USP26: variants seen among roughly 807,000 people sequenced by gnomAD.
USP26 encodes ubiquitin carboxyl-terminal hydrolase 26.
For missense variants in USP26, 649 were observed against 642.3 expected, an observed-to-expected ratio of 1.01 and a Z score of -0.11; for synonymous variants, 236 against 240.6, an observed-to-expected ratio of 0.98 and a Z score of 0.18.
chrX:133,030,880 A>C (rs1406311343), intron 5 of USP26, among the ~76,000 whole-genome samples: 1 of 112,090 alleles, frequency 8.9e-6, no homozygotes, highest in Non-Finnish European at 1.9e-5. Context: ...AAAAGTTTAG[A>C]GGGAGCTATG....
chrX:133,045,016 C>A (rs1434735711), intron 5 of USP26, among the ~76,000 whole-genome samples: 1 of 111,355 alleles, frequency 9.0e-6, no homozygotes, highest in African/African-American at 3.3e-5. Context: ...ATTGTGAATA[C>A]ACCAATCAGC....
intron 4 of USP26, among the ~76,000 whole-genome samples, chrX:133,086,549 G>A (rs779640323): frequency 9.0e-6 from 1 of 111,075 alleles, no homozygotes; most frequent in South Asian, 3.9e-4. Context: ...GTTTGAGGCT[G>A]CAGTGAGCCA....
chrX:133,093,447 C>T lies in USP26; in HGVS notation c.-392-2004G>A, dbSNP rs957478610. The stretch of plus-strand genomic sequence containing the variant: ...GCACGGAAGAAAAAAGTTCTTGCCC[C>T]CATGGAGCTTAAAGTCTATTGAGGA... On this transcript the variant is annotated intron_variant, in intron 1 of 5. Coordinates refer to ENST00000511190, the MANE Select transcript of USP26 (RefSeq NM_031907.3). 7.2e-5 allele frequency among the ~76,000 whole-genome samples: 8 copies of T among 110,662 alleles called. No homozygotes were observed. In the East Asian group the frequency reaches 2.3e-3, roughly 32 times the overall value.
chrX:133,053,148 T>C (rs112693033), intron 5 of USP26, among the ~76,000 whole-genome samples: 18 of 112,159 alleles, frequency 1.6e-4, no homozygotes, highest in African/African-American at 5.5e-4. Flanking sequence ...AATATACGGT[T>C]ATTCTAAGAA....
At chrX:133,063,467 G>T (rs1404752499) in intron 5 of USP26, among the ~76,000 whole-genome samples, 1 of 111,194 alleles carries the variant, frequency 9.0e-6, no homozygotes, top group Non-Finnish European at 1.9e-5. Context: ...AAATGTTAAG[G>T]TCAGCCAGGG....
intron 5 of USP26, among the ~76,000 whole-genome samples, chrX:133,069,669 G>A (rs1195658746): frequency 2.7e-5 from 3 of 111,481 alleles, no homozygotes; most frequent in Non-Finnish European, 5.7e-5. Flanking sequence ...AATAACCATA[G>A]GCTTATGGGT....
chrX:133,061,803 A>T (rs2067494971), intron 5 of USP26, among the ~76,000 whole-genome samples: 1 of 111,612 alleles, frequency 9.0e-6, no homozygotes, highest in African/African-American at 3.3e-5. Flanking sequence ...AGATCAGGAG[A>T]TTCCCTCTGT....
chrX:133,065,360 C>T (rs1358927118), intron 5 of USP26, among the ~76,000 whole-genome samples: 2 of 111,733 alleles, frequency 1.8e-5, no homozygotes, highest in Non-Finnish European at 3.8e-5. Flanking sequence ...AAGAGGGACT[C>T]CTCCCTAACT....
chrX:133,064,897 T>C (rs1361036187), intron 5 of USP26, among the ~76,000 whole-genome samples: 1 of 111,015 alleles, frequency 9.0e-6, no homozygotes, highest in Non-Finnish European at 1.9e-5. Context: ...CTGAAGGAGA[T>C]AGAGACACAT....
chrX:133,072,037 T>C (rs369010831), intron 5 of USP26, among the ~76,000 whole-genome samples: 1 of 111,440 alleles, frequency 9.0e-6, no homozygotes, highest in East Asian at 2.8e-4. Flanking sequence ...TTAGGTAAGA[T>C]TAACAGGAAT....
chrX:133,074,127 C>T (rs2067539992), intron 5 of USP26, among the ~76,000 whole-genome samples: 1 of 111,912 alleles, frequency 8.9e-6, no homozygotes, highest in Non-Finnish European at 1.9e-5. Flanking sequence ...CTTTATCCCA[C>T]TAAAGGCCAC....
At chrX:133,040,520 C>G (rs1270352263) in intron 5 of USP26, among the ~76,000 whole-genome samples, 1 of 111,722 alleles carries the variant, frequency 9.0e-6, no homozygotes, top group African/African-American at 3.3e-5. Context: ...ATATTGGCCC[C>G]TACTCTTTTC....
chrX:133,079,845 T>C (rs1319317300), intron 5 of USP26, among the ~76,000 whole-genome samples: 4 of 111,459 alleles, frequency 3.6e-5, no homozygotes, highest in Non-Finnish European at 7.5e-5. Context: ...TCTTGAAAAT[T>C]AAGATAAAAA....
At chrX:133,062,863 T>C (rs1439929887) in intron 5 of USP26, among the ~76,000 whole-genome samples, 1 of 110,744 alleles carries the variant, frequency 9.0e-6, no homozygotes, top group Non-Finnish European at 1.9e-5. Context: ...GGCACAAAAC[T>C]GGATAGAGAA....
chrX:133,068,567 A>G (rs2067520130), intron 5 of USP26, among the ~76,000 whole-genome samples: 1 of 112,718 alleles, frequency 8.9e-6, no homozygotes, highest in South Asian at 3.6e-4. Context: ...TCAGCATCCC[A>G]AGACAGTTTA....
In USP26 at chrX:133,025,362, G is replaced by A; in HGVS notation, c.*117C>T. On this transcript the variant is annotated 3_prime_UTR_variant, in exon 6 of 6. Transcript: ENST00000511190. ...CATTAAGTGTTTCTGTTTGACCTTT[G>A]GTCCTAGACTAATTGCATTTTCATC... 1 of 1,101,655 alleles carries A rather than the reference G, an allele frequency of 9.1e-7. No individual in the cohort carries two copies. The highest frequency in any genetic ancestry group is 1.2e-6 in the Non-Finnish European group (1 of 820,768). 90.8% of individuals were successfully genotyped at this position (1,101,655 alleles called of 1,213,427 possible). A position where few individuals can be genotyped will look rare whatever the true frequency, so the allele number is the denominator to read the frequency against.
At chrX:133,073,868 C>A (rs1325123752) in intron 5 of USP26, among the ~76,000 whole-genome samples, 1 of 111,283 alleles carries the variant, frequency 9.0e-6, no homozygotes. Context: ...AGAGGTGTGG[C>A]CAGAGCATGG....
At chrX:133,067,411 A>G (rs1413460297) in intron 5 of USP26, among the ~76,000 whole-genome samples, 3 of 112,747 alleles carry the variant, frequency 2.7e-5, no homozygotes, top group African/African-American at 9.7e-5. Flanking sequence ...TTCTACTATA[A>G]AGACACACAC....
intron 5 of USP26, among the ~76,000 whole-genome samples, chrX:133,033,462 C>A (rs1297250290): frequency 2.7e-5 from 3 of 112,082 alleles, no homozygotes; most frequent in Admixed American, 9.4e-5. Flanking sequence ...AAGTTTGAAC[C>A]CTTTCTGAGG....
Sources: gnomAD v4.1 joint callset for allele counts (sites outside exome capture counted in the v4.1 genomes callset) on GRCh38, gnomAD v4.1.1 for gene constraint, MANE v1.5 for transcripts, NCBI Gene and HGNC (gene_info 2026-07-23, HGNC 2026-07-21) for gene names.